The following MYO15A variants were observed in gnomAD, a reference collection of about 807,000 sequenced individuals.
MYO15A encodes unconventional myosin-XV.
Under a neutral mutation model 394.6 loss-of-function variants are expected in MYO15A, and 308 were observed. That is an observed-to-expected ratio of 0.78 (90% CI 0.71 to 0.86). The LOEUF is 0.86. Among genes scored for constraint, MYO15A ranks in the 40% least tolerant of loss-of-function variants. MYO15A has a pLI of 0.00. For synonymous variants in MYO15A, 1,957 were observed against 2,003.8 expected (o/e 0.98, Z 0.62); for missense variants, 4,606 against 4,799.1 (o/e 0.96, Z 1.19).
chr17:18,122,259 C>CTGGTCCTGCCCGAAG lies in MYO15A; in HGVS notation c.3469_3470insCGAAGTGGTCCTGCC (p.Cys1156_Leu1157insProLysTrpSerCys), dbSNP rs763112969. On this transcript the variant is annotated inframe_insertion, in exon 2 of 66. Coordinates refer to ENST00000647165, the MANE Select transcript of MYO15A (RefSeq NM_016239.4). ...CCAAGCCAAGAGCCTGTAGTCTTCGCTGGTCCTGCCTCTGGCTTCGGGCAG... is the reference window on the plus strand; with the variant it reads ...CCAAGCCAAGAGCCTGTAGTCTTCGCTGGTCCTGCCCGAAGTGGTCCTGCCTCTGGCTTCGGGCAG... 3.3e-5 allele frequency: 53 copies of CTGGTCCTGCCCGAAG among 1,613,178 alleles called. No homozygotes were observed. The South Asian group carries it at 5.3e-4, about 16-fold the overall frequency.
chr17:18,144,009 T>G lies in MYO15A; in HGVS notation c.6177+9T>G. On this transcript the variant is annotated intron_variant, in intron 28 of 65. Transcript: ENST00000647165. ...TCCAGTGCCACTTCAAGGTAAGGGC[T>G]AGCTGAAGTCCAAGGCTCCCTGGCT... 1 of 1,613,418 alleles carries G rather than the reference T, an allele frequency of 6.2e-7. No homozygotes were observed. Among genetic ancestry groups the G allele is most frequent in the South Asian group, 1.1e-5 (1 of 91,030 alleles).
rs1460729395 is a variant in MYO15A at position 18,119,496 on chromosome 17, G to C, written c.696G>C (p.Leu232=). 1 of 1,612,504 alleles carries C rather than the reference G, an allele frequency of 6.2e-7. No homozygotes were observed. The highest frequency in any genetic ancestry group is 1.3e-5 in the African/African-American group (1 of 75,020). The change falls in exon 2 of 66, where the codon CTG becomes CTC. Residue 232 remains leucine (L), a synonymous_variant. Transcript: ENST00000647165. The stretch of plus-strand genomic sequence containing the variant: ...ACGGGCTTGAGGGCTTCCAGGACCT[G>C]GGCGAGTATTATGACTATCACCGCG... ...SLYGLEGFQD[L]GEYYDYHRDG...
intron 16 of MYO15A, 45 bp from the exon 17 acceptor site, chr17:18,138,070 T>C (rs1168895222): frequency 1.3e-6 from 2 of 1,599,162 alleles, no homozygotes; most frequent in Non-Finnish European, 8.5e-7. Context: ...GGGTGGGCCC[T>C]GGACAGGGAT....
chr17:18,154,668 C>T lies in MYO15A; in HGVS notation c.8149-12C>T. 6.2e-7 allele frequency: 1 copy of T among 1,613,090 alleles called. No homozygotes were observed. Among genetic ancestry groups the T allele is most frequent in the Non-Finnish European group, 8.5e-7 (1 of 1,179,976 alleles). ...TCCCATGTGCTGCCTGCATCACAGCCTGTTCCCACAGATCCTGCACGACAC... is the reference window on the plus strand; with the variant it reads ...TCCCATGTGCTGCCTGCATCACAGCTTGTTCCCACAGATCCTGCACGACAC... On this transcript the variant is annotated splice_polypyrimidine_tract_variant and intron_variant, in intron 44 of 65. Transcript: ENST00000647165.
intron 57 of MYO15A, 98 bp downstream of exon 57, chr17:18,161,545 T>G: frequency 6.6e-7 from 1 of 1,521,174 alleles, no homozygotes; most frequent in Non-Finnish European, 9.0e-7. Flanking sequence ...GCCTCGCTCT[T>G]CACAGGTGCT....
rs1316728298 is a variant in MYO15A, at chr17:18,136,421, C to A, written c.4601C>A (p.Thr1534Lys). Residue 1534 changes from threonine to lysine, a missense_variant, in exon 14 of 66, where the codon ACA (threonine) becomes AAA (lysine). By Grantham distance (78) the Thr-to-Lys change is moderately conservative (BLOSUM62 -1). Transcript: ENST00000647165. ...QKAITFKVTE[T>K]MREKIFTPLT... ...AAGGGCTGTGCCCGTCCCTAGGAGA[C>A]AATGCGAGAGAAGATCTTCACGCCC... The A allele has an allele frequency of 6.2e-7, 1 of 1,613,692 alleles. No individual in the cohort carries two copies. The highest frequency in any genetic ancestry group is 8.5e-7 in the Non-Finnish European group (1 of 1,180,044).
At position 18,148,746 on chromosome 17, in the gene MYO15A, G is replaced by T; in HGVS notation, c.6765-15G>T. On this transcript the variant is annotated splice_polypyrimidine_tract_variant and intron_variant, in intron 32 of 65. Transcript: ENST00000647165. The surrounding 1 kb of genome is among the most constrained non-coding windows in gnomAD (Gnocchi z 4.8). ...CTCTGTCCCTCATTTCCATTCCTGT[G>T]CATGCCATCACCAGGGGGCTGGCAG... is the stretch of plus-strand genomic sequence containing the variant. 2.5e-6 allele frequency: 4 copies of T among 1,586,354 alleles called. No homozygotes were observed. Among genetic ancestry groups the T allele is most frequent in the Non-Finnish European group, 2.6e-6 (3 of 1,165,318 alleles).
chr17:18,148,369 C>T lies in MYO15A; in HGVS notation c.6692-127C>T. 1.4e-6 allele frequency: 2 copies of T among 1,464,130 alleles called. No homozygotes were observed. Among genetic ancestry groups the T allele is most frequent in the South Asian group, 2.4e-5 (2 of 82,012 alleles). 90.7% of individuals were successfully genotyped at this position (1,464,130 alleles called of 1,614,324 possible). ...CTGTGTGTGGGGGTGGGACCTGGCC[C>T]AGGAAAGGGGAGCCAGGGAAGTGAG... is the stretch of plus-strand genomic sequence containing the variant. On this transcript the variant is annotated intron_variant, in intron 31 of 65. Transcript: ENST00000647165. This position sits in a 1 kb window ranked among gnomAD's most constrained non-coding sequence, Gnocchi z 4.8.
In MYO15A at chr17:18,141,694, A is replaced by T. The variant is rs1303695548; in HGVS notation, c.5573A>T (p.Asn1858Ile). The T allele has an allele frequency of 6.2e-7, 1 of 1,614,130 alleles. No homozygotes were observed. ...LVALKHDLPA[N>I]GDMCVSVLSR... Reference sequence around the variant, plus strand: ...GCCCTCAAGCATGACCTGCCGGCTAATGGGGACATGTGTGTGTCAGTGCTG... The same window carrying T: ...GCCCTCAAGCATGACCTGCCGGCTATTGGGGACATGTGTGTGTCAGTGCTG... Residue 1858 changes from asparagine (N) to isoleucine (I), a missense_variant, in exon 23 of 66, where the codon AAT becomes ATT. This residue lies in a region of MYO15A where 2,776 missense variants were observed against 3,109.3 expected (regional missense o/e 0.89). Coordinates refer to ENST00000647165, the MANE Select transcript of MYO15A (RefSeq NM_016239.4).
Position 18,121,151 on chromosome 17 carries a change from C to A in MYO15A, c.2351C>A (p.Pro784Gln). 1.3e-6 allele frequency: 2 copies of A among 1,511,290 alleles called. No individual in the cohort carries two copies. Among genetic ancestry groups the A allele is most frequent in the East Asian group, 2.7e-5 (1 of 37,460 alleles). 93.6% of individuals were successfully genotyped at this position (1,511,290 alleles called of 1,614,324 possible). Residue 784 changes from proline to glutamine, a missense_variant, in exon 2 of 66, where the codon CCG becomes CAG. This residue lies in a region of MYO15A where 1,830 missense variants were observed against 1,689.7 expected (regional missense o/e 1.08). Coordinates refer to ENST00000647165, the MANE Select transcript of MYO15A (RefSeq NM_016239.4). The surrounding 1 kb of genome is among the most constrained non-coding windows in gnomAD (Gnocchi z 5.3). ...CCCCAGCCCTCGCTGAGGAGCTCGC[C>A]GGGCCTCGGCTACTGCTCACCCTTG... Reference protein sequence around the residue: ...ASPQPSLRSSPGLGYCSPLAP... With the variant: ...ASPQPSLRSSQGLGYCSPLAP...
At chr17:18,157,931 G>GGGGGGGGGGGCCC in intron 51 of MYO15A, 31 bp downstream of exon 51, 1 of 412,708 alleles carries the variant, frequency 2.4e-6, no homozygotes, top group Non-Finnish European at 4.5e-6. Flanking sequence ...GTGGGGCGGG[G>GGGGGGGGGGGCCC]TAGACCAGGG....
Position 18,148,911 on chromosome 17 carries a change from G to A in MYO15A, c.6915G>A (p.Val2305=), listed in dbSNP as rs1288861492. Residue 2305 remains valine, a synonymous_variant, in exon 33 of 66, where the codon GTG becomes GTA. Coordinates refer to ENST00000647165, the MANE Select transcript of MYO15A (RefSeq NM_016239.4). The surrounding 1 kb of genome is among the most constrained non-coding windows in gnomAD (Gnocchi z 4.8). ...CTCGACAGAAGTCCTACTTCATTGT[G>A]GGCACAGAGGGGCCTGCAGCCAGCA... ...DFPRQKSYFI[V]GTEGPAASRG... is the part of the protein sequence containing the mutation. 1 of 1,605,798 alleles carries A rather than the reference G, an allele frequency of 6.2e-7. No homozygotes were observed. Among genetic ancestry groups the A allele is most frequent in the Admixed American group, 1.7e-5 (1 of 58,988 alleles).
chr17:18,167,754 G>A, intron 62 of MYO15A, 31 bp downstream of exon 62: 1 of 1,600,688 alleles, frequency 6.2e-7, no homozygotes, highest in Non-Finnish European at 8.5e-7. Flanking sequence ...CTCAGCTGGG[G>A]TGGACAGGCA....
Position 18,157,865 on chromosome 17 carries a change from G to C in MYO15A, c.8932G>C (p.Ala2978Pro). 2.9e-6 allele frequency: 4 copies of C among 1,389,544 alleles called. No homozygotes were observed. Among genetic ancestry groups the C allele is most frequent in the Non-Finnish European group, 2.9e-6 (3 of 1,052,440 alleles). 86.1% of individuals were successfully genotyped at this position (1,389,544 alleles called of 1,614,324 possible). The change falls in exon 51 of 66, where the codon GCA (alanine) becomes CCA (proline). Residue 2978 changes from alanine (A) to proline (P), a missense_variant. Ala to Pro is a conservative substitution (Grantham distance 27). Coordinates refer to ENST00000647165, the MANE Select transcript of MYO15A (RefSeq NM_016239.4). The stretch of plus-strand genomic sequence containing the variant: ...CGCCGTGGCCGCTGCTGTGGCCTCT[G>C]CAGCCGCTGCACAGGAGGTGGGCCG... ...AAAVAAAVASAAAAQEVGRRR... is the reference protein window; with the variant it reads ...AAAVAAAVASPAAAQEVGRRR...
rs865982060 is a variant in MYO15A at position 18,150,840 on chromosome 17, G to C, written c.7400G>C (p.Arg2467Pro). ...ACCACTGCCACCTCTCCCCAGGCCC[G>C]GGAGATGACCCTGCAGGCCACGGCA... ...FIHKQAVLLAREMTLQATALQ... is the reference protein window; with the variant it reads ...FIHKQAVLLAPEMTLQATALQ... Residue 2467 changes from arginine (R) to proline (P), a missense_variant, in exon 38 of 66, where the codon CGG becomes CCG. Arg to Pro is a moderately radical substitution (Grantham distance 103, BLOSUM62 -2). Around this residue, in one of 2 missense-constraint regions of MYO15A, gnomAD observed 2,776 missense variants for 3,109.3 expected, o/e 0.89. Transcript: ENST00000647165. The surrounding 1 kb of genome is among the most constrained non-coding windows in gnomAD (Gnocchi z 4.4). 2 of 1,594,038 alleles carry C rather than the reference G, an allele frequency of 1.3e-6. No homozygotes were observed. Among genetic ancestry groups the C allele is most frequent in the African/African-American group, 2.7e-5 (2 of 74,560 alleles).
intron 11 of MYO15A, 118 bp from the exon 12 acceptor site, chr17:18,133,096 CATGAGAGTGAA>C: frequency 1.1e-6 from 1 of 916,452 alleles, no homozygotes; most frequent in Non-Finnish European, 1.7e-6. Flanking sequence ...CCTCCGTGCC[CATGAGAGTGAA>C]ATGACAGCTT....
intron 1 of MYO15A, among the ~76,000 whole-genome samples, chr17:18,111,361 A>G (rs918154236): frequency 7.4e-6 from 1 of 135,318 alleles, no homozygotes; most frequent in South Asian, 2.6e-4. Context: ...AAAAAAAAAA[A>G]AAAAACAAAG....
At chr17:18,158,108 G>A (rs944399347) in intron 51 of MYO15A, among the ~76,000 whole-genome samples, 2 of 152,128 alleles carry the variant, frequency 1.3e-5, no homozygotes, top group African/African-American at 4.8e-5. Context: ...TGGAGGTGTG[G>A]CCAAATGGGG....
Position 18,150,384 on chromosome 17 carries a change from G to T in MYO15A, c.7213-45G>T. Reference sequence around the variant, plus strand: ...GGTGCCTGTTGCCATGGAACCTTGGGAGTACAATAATGAGATGGTCACTTG... The same window carrying T: ...GGTGCCTGTTGCCATGGAACCTTGGTAGTACAATAATGAGATGGTCACTTG... On this transcript the variant is annotated intron_variant, in intron 35 of 65. Transcript: ENST00000647165. The surrounding 1 kb of genome is among the most constrained non-coding windows in gnomAD (Gnocchi z 4.4). 1 of 1,567,352 alleles carries T rather than the reference G, an allele frequency of 6.4e-7. No homozygotes were observed. The highest frequency in any genetic ancestry group is 8.8e-7 in the Non-Finnish European group (1 of 1,137,994).
Sources: gnomAD v4.1 joint callset for allele counts (sites outside exome capture counted in the v4.1 genomes callset) on GRCh38, gnomAD v4.1.1 for gene constraint, gnomAD v4.1.1 regional missense constraint, Gnocchi (gnomAD v3.1) non-coding constraint, MANE v1.5 for transcripts, NCBI Gene and HGNC (gene_info 2026-07-23, HGNC 2026-07-21) for gene names.